Variants in USP36 observed in about 807,000 individuals in gnomAD.
USP36 encodes ubiquitin carboxyl-terminal hydrolase 36.
USP36 carries 59 observed loss-of-function variants against 111.5 expected under a neutral mutation model. That is an observed-to-expected ratio of 0.53 (90% CI 0.43 to 0.66). The LOEUF is 0.66. USP36 is among the 30% of genes least tolerant of loss of function. The pLI is 0.00. For missense variants in USP36, 1,488 were observed against 1,468.0 expected (o/e 1.01, Z -0.22); for synonymous variants, 628 against 581.0 (o/e 1.08, Z -1.16).
upstream of USP36, chr17:78,840,840 T>G (rs1187187830): frequency 6.6e-6 from 1 of 152,324 alleles, no homozygotes; most frequent in Non-Finnish European, 1.5e-5. Flanking sequence ...CTCACACACG[T>G]GTCACCGCGA....
At chr17:78,791,664 G>A (rs941588335), downstream of USP36, among the ~76,000 whole-genome samples, 1 of 152,198 alleles carries the variant, frequency 6.6e-6, no homozygotes, top group African/African-American at 2.4e-5. Context: ...CAGCTGCCCA[G>A]AGGCCTCTAG....
At chr17:78,818,609 T>TA in intron 10 of USP36, 58 bp downstream of exon 10, 1 of 1,489,592 alleles carries the variant, frequency 6.7e-7, no homozygotes. Flanking sequence ...TTCTTCGTGT[T>TA]ATTCTGATGC....
rs2093631686 is a variant in USP36 at position 78,796,553 on chromosome 17, A to C, written c.*1347T>G. On this transcript the variant is annotated 3_prime_UTR_variant, in exon 21 of 21. Coordinates refer to ENST00000449938, the MANE Select transcript of USP36 (RefSeq NM_001385174.1). Reference sequence around the variant, plus strand: ...CAAAAAGAGACACCCACCCACATGGAAAAAAATAAATGTATCTTCCCATAT... The same window carrying C: ...CAAAAAGAGACACCCACCCACATGGCAAAAAATAAATGTATCTTCCCATAT... 6.6e-6 allele frequency: 1 copy of C among 152,180 alleles called. No individual in the cohort carries two copies. The highest frequency in any genetic ancestry group is 6.5e-5 in the Admixed American group (1 of 15,276). 9.4% of individuals were successfully genotyped at this position (152,180 alleles called of 1,614,324 possible). A position where few individuals can be genotyped will look rare whatever the true frequency, so the allele number is the denominator to read the frequency against.
chr17:78,818,905 C>T (rs1030009518), intron 9 of USP36, 127 bp from the exon 10 acceptor site: 4 of 904,232 alleles, frequency 4.4e-6, no homozygotes, highest in East Asian at 2.7e-5. Context: ...AATGAGATTT[C>T]GACCTTCTGC....
intron 15 of USP36, among the ~76,000 whole-genome samples, chr17:78,805,537 C>T (rs1037727763): frequency 6.6e-6 from 1 of 152,140 alleles, no homozygotes; most frequent in Non-Finnish European, 1.5e-5. Context: ...TCACTGCTTC[C>T]GTCCCCACTC....
At chr17:78,822,057 G>T (rs2094343013) in intron 6 of USP36, 53 bp from the exon 7 acceptor site, 2 of 1,605,136 alleles carry the variant, frequency 1.2e-6, no homozygotes, top group Non-Finnish European at 1.7e-6. Flanking sequence ...ATGACACGAG[G>T]GATGGCCCCA....
chr17:78,829,070 C>T, intron 4 of USP36, 63 bp from the exon 5 acceptor site: 1 of 1,435,420 alleles, frequency 7.0e-7, no homozygotes, highest in Non-Finnish European at 9.6e-7. Flanking sequence ...ACGGTGAGGC[C>T]CCCACCCCAA....
chr17:78,832,829 A>T (rs1339350180), intron 4 of USP36, among the ~76,000 whole-genome samples: 2 of 152,158 alleles, frequency 1.3e-5, no homozygotes, highest in Non-Finnish European at 2.9e-5. Context: ...CACCACTGGA[A>T]ATAGGGGCTA....
chr17:78,789,366 G>C (rs984115280), intron 3 of USP36, among the ~76,000 whole-genome samples: 1 of 151,986 alleles, frequency 6.6e-6, no homozygotes, highest in Non-Finnish European at 1.5e-5. Flanking sequence ...CACCCAGAAG[G>C]AGTAGGCTGA....
intron 1 of USP36, chr17:78,840,346 C>A (rs1033042064): frequency 6.5e-6 from 1 of 152,852 alleles, no homozygotes; most frequent in African/African-American, 2.4e-5. Flanking sequence ...CCGCACCCGC[C>A]CCGCTGAGCT....
intron 4 of USP36, among the ~76,000 whole-genome samples, chr17:78,829,740 AGACAGTG>A (rs2067910167): frequency 6.6e-6 from 1 of 152,178 alleles, no homozygotes; most frequent in Admixed American, 6.6e-5. Flanking sequence ...GCATTAGGCT[AGACAGTG>A]GTCCTTTTTT....
At position 78,836,382 on chromosome 17, in the gene USP36, C is replaced by G. The variant is rs1376881284; in HGVS notation, c.-9-10G>C. 1.9e-6 allele frequency: 3 copies of G among 1,611,114 alleles called. No individual in the cohort carries two copies. The highest frequency in any genetic ancestry group is 1.7e-6 in the Non-Finnish European group (2 of 1,178,280). ...TTGGCATGGTGCATCACTGTGGGGA[C>G]AAGAAGAAACATAGAGCCATAGATA... On this transcript the variant is annotated splice_polypyrimidine_tract_variant and intron_variant, in intron 2 of 20. Transcript: ENST00000449938.
At chr17:78,834,188 A>G (rs1017705340) in intron 4 of USP36, among the ~76,000 whole-genome samples, 1 of 151,532 alleles carries the variant, frequency 6.6e-6, no homozygotes, top group African/African-American at 2.4e-5. Context: ...CGGAGGTTGC[A>G]GTGAACTGAG....
chr17:78,814,746 C>T (rs1007093855), intron 10 of USP36, among the ~76,000 whole-genome samples, 194 bp from the exon 11 acceptor site: 16 of 148,416 alleles, frequency 1.1e-4, no homozygotes, highest in Admixed American at 2.0e-4. Context: ...TCGAGGAGTT[C>T]GAGATCAGCC....
chr17:78,792,526 CG>C (rs1262588740), downstream of USP36, among the ~76,000 whole-genome samples: 3 of 152,122 alleles, frequency 2.0e-5, no homozygotes, highest in Non-Finnish European at 4.4e-5. Context: ...GCAGCAGCCC[CG>C]GGGACTATTG....
intron 8 of USP36, among the ~76,000 whole-genome samples, chr17:78,820,623 G>C (rs1386966701): frequency 2.0e-5 from 3 of 152,212 alleles, no homozygotes; most frequent in African/African-American, 7.2e-5. Context: ...AGCTGCAGCA[G>C]GATGTGCGAC....
intron 13 of USP36, among the ~76,000 whole-genome samples, chr17:78,809,620 G>A (rs759214768): frequency 1.3e-5 from 2 of 152,126 alleles, no homozygotes; most frequent in African/African-American, 2.4e-5. Flanking sequence ...TGTGGCAAGT[G>A]GGGCTTCCTT....
downstream of USP36, among the ~76,000 whole-genome samples, chr17:78,793,913 G>C (rs901080775): frequency 3.7e-4 from 56 of 152,162 alleles, no homozygotes; most frequent in African/African-American, 1.3e-3. Context: ...CCCTGTACTG[G>C]TAAGATGCCA....
chr17:78,835,297 T>C lies in USP36; in HGVS notation c.458A>G (p.Lys153Arg), dbSNP rs1313616120. The C allele has an allele frequency of 6.2e-7, 1 of 1,614,158 alleles. No individual in the cohort carries two copies. Among genetic ancestry groups the C allele is most frequent in the Non-Finnish European group, 8.5e-7 (1 of 1,180,030 alleles). ...TPPLANYLLS[K>R]EHARSCHQGS... ...ACACTCACAGCTGCGAGCATGCTCCTTGGAGAGCAGGTAGTTGGCTAGAGG... is the reference window on the plus strand; with the variant it reads ...ACACTCACAGCTGCGAGCATGCTCCCTGGAGAGCAGGTAGTTGGCTAGAGG... The change falls in exon 4 of 21, where the codon AAG (lysine) becomes AGG (arginine). Residue 153 changes from lysine (K) to arginine (R), a missense_variant. Physicochemically the swap from Lys to Arg is conservative, Grantham distance 26. Transcript: ENST00000449938.
Sources: allele counts gnomAD v4.1 joint callset (sites outside exome capture counted in the v4.1 genomes callset), GRCh38; gene constraint gnomAD v4.1.1; transcripts MANE v1.5; gene names NCBI Gene and HGNC (gene_info 2026-07-23, HGNC 2026-07-21).